Variants in TEAD1 observed in about 807,000 individuals in gnomAD.
TEAD1 encodes transcriptional enhancer factor TEF-1.
TEAD1 carries 9 observed loss-of-function variants against 54.9 expected under a neutral mutation model. The ratio of observed to expected loss-of-function variants is 0.16; its 90% CI spans 0.10 to 0.29. The LOEUF is 0.29. TEAD1 is among the 10% of genes least tolerant of loss of function. TEAD1 has a pLI of 1.00. For synonymous variants in TEAD1, 200 were observed against 187.8 expected (o/e 1.07, Z -0.53); for missense variants, 387 against 535.9 (o/e 0.72, Z 2.74).
intron 2 of TEAD1, among the ~76,000 whole-genome samples, chr11:12,761,595 C>T (rs1271890350): frequency 6.6e-6 from 1 of 152,150 alleles, no homozygotes; most frequent in African/African-American, 2.4e-5. Context: ...AAAGTAAGTC[C>T]ACCTCTGAGT....
chr11:12,758,232 T>C (rs2133917148), intron 2 of TEAD1, among the ~76,000 whole-genome samples: 1 of 150,038 alleles, frequency 6.7e-6, no homozygotes, highest in Admixed American at 6.6e-5. Flanking sequence ...GTTTTTGTTT[T>C]GTTTTTTTTT....
chr11:12,809,148 T>G (rs1451107113), intron 3 of TEAD1, among the ~76,000 whole-genome samples: 1 of 152,176 alleles, frequency 6.6e-6, no homozygotes, highest in Non-Finnish European at 1.5e-5. Context: ...ATGGCAAGTG[T>G]GAACATGTCT....
intron 2 of TEAD1, among the ~76,000 whole-genome samples, chr11:12,676,929 T>G (rs563959168): frequency 6.6e-6 from 1 of 152,348 alleles, no homozygotes; most frequent in South Asian, 2.1e-4. Context: ...GACTATTTTA[T>G]TTTTACTTTA....
intron 9 of TEAD1, among the ~76,000 whole-genome samples, chr11:12,900,221 C>T (rs1589972987): frequency 6.8e-6 from 1 of 147,274 alleles, no homozygotes; most frequent in East Asian, 2.0e-4. Flanking sequence ...ACCACCACAC[C>T]TGGTGATTTT....
At chr11:12,722,548 A>T (rs1944230101) in intron 2 of TEAD1, among the ~76,000 whole-genome samples, 1 of 152,218 alleles carries the variant, frequency 6.6e-6, no homozygotes. Flanking sequence ...GTTTTGGTCC[A>T]TGCTAAAAAA....
chr11:12,870,676 A>G (rs1031907901), intron 5 of TEAD1, among the ~76,000 whole-genome samples: 1 of 152,194 alleles, frequency 6.6e-6, no homozygotes, highest in Admixed American at 6.5e-5. Flanking sequence ...GCCTGAGCTC[A>G]GGAGTTAGAG....
chr11:12,678,697 C>G (rs1384813065), intron 2 of TEAD1, among the ~76,000 whole-genome samples: 1 of 152,148 alleles, frequency 6.6e-6, no homozygotes, highest in South Asian at 2.1e-4. Flanking sequence ...TTGTGGAGTG[C>G]TAGTATATTT....
At chr11:12,756,597 GAATT>G (rs1352488283) in intron 2 of TEAD1, among the ~76,000 whole-genome samples, 1 of 152,150 alleles carries the variant, frequency 6.6e-6, no homozygotes, top group Non-Finnish European at 1.5e-5. Flanking sequence ...TATTCATTAG[GAATT>G]AATTAGACTG....
rs532893771 is a variant in TEAD1 at position 12,778,529 on chromosome 11, C to A, written c.202+14095C>A. On this transcript the variant is annotated intron_variant, in intron 3 of 12. Transcript: ENST00000527636. ...TGTCCATTAAAGGCCTCATCAGACTCTTTTTTTTTTTTTTTTTTTTTAAAC... is the reference window on the plus strand; with the variant it reads ...TGTCCATTAAAGGCCTCATCAGACTATTTTTTTTTTTTTTTTTTTTTAAAC... Among the ~76,000 whole-genome samples the A allele has an allele frequency of 4.0e-5, 5 of 125,802 alleles. No homozygotes were observed. In the South Asian group the frequency reaches 1.0e-3, roughly 26 times the overall value. 82.5% of individuals were successfully genotyped at this position (125,802 alleles called of 152,430 possible).
chr11:12,759,690 G>C (rs1270692076), intron 2 of TEAD1, among the ~76,000 whole-genome samples: 1 of 152,108 alleles, frequency 6.6e-6, no homozygotes, highest in African/African-American at 2.4e-5. Flanking sequence ...GTGAAACCCT[G>C]TCTCTACTAA....
In TEAD1 at chr11:12,695,118, C is replaced by T. The variant is rs545175282; in HGVS notation, c.-55+19557C>T. ...ACAGCCAGGCTGGCGAGGGCCACTTCGTTCTTACTTGTCGTTTGTATTTTG... is the reference window on the plus strand; with the variant it reads ...ACAGCCAGGCTGGCGAGGGCCACTTTGTTCTTACTTGTCGTTTGTATTTTG... On this transcript the variant is annotated intron_variant, in intron 2 of 12. Coordinates refer to ENST00000527636, the MANE Select transcript of TEAD1 (RefSeq NM_021961.6). Among the ~76,000 whole-genome samples the T allele has an allele frequency of 3.9e-5, 6 of 152,356 alleles. No individual in the cohort carries two copies. The South Asian group carries it at 8.3e-4, about 21-fold the overall frequency.
At chr11:12,739,813 A>G (rs1467104586) in intron 2 of TEAD1, among the ~76,000 whole-genome samples, 1 of 152,246 alleles carries the variant, frequency 6.6e-6, no homozygotes, top group Non-Finnish European at 1.5e-5. Flanking sequence ...AAATACAAAG[A>G]ACACCTGTAT....
intron 5 of TEAD1, chr11:12,879,049 C>T: frequency 1.9e-6 from 1 of 528,504 alleles, no homozygotes; most frequent in Non-Finnish European, 3.0e-6. Flanking sequence ...CCCCTAGGCT[C>T]CTGGCTTCAG....
intron 3 of TEAD1, among the ~76,000 whole-genome samples, chr11:12,835,891 G>A (rs988840294): frequency 6.6e-6 from 1 of 152,092 alleles, no homozygotes. Context: ...CAGTTAGGAG[G>A]AATAAGTTCT....
At chr11:12,799,710 T>C (rs181487010) in intron 3 of TEAD1, among the ~76,000 whole-genome samples, 16 of 152,382 alleles carry the variant, frequency 1.0e-4, no homozygotes, top group Admixed American at 6.5e-4. Flanking sequence ...ACCTTGGAAT[T>C]TGAACCCAAG....
chr11:12,936,642 A>G (rs578030027), intron 12 of TEAD1, among the ~76,000 whole-genome samples: 10 of 152,364 alleles, frequency 6.6e-5, no homozygotes, highest in South Asian at 2.1e-4. Context: ...ATATACATCT[A>G]TCATCACATT....
intron 5 of TEAD1, among the ~76,000 whole-genome samples, chr11:12,875,038 A>G (rs1209407040): frequency 1.3e-5 from 2 of 152,334 alleles, no homozygotes; most frequent in South Asian, 2.1e-4. Context: ...TATTTCCTGT[A>G]ACCTAAGACT....
chr11:12,683,583 C>A (rs561270600), intron 2 of TEAD1, among the ~76,000 whole-genome samples: 3 of 152,152 alleles, frequency 2.0e-5, no homozygotes, highest in African/African-American at 7.2e-5. Flanking sequence ...TTTGAAGGAA[C>A]AGGGGGATTT....
intron 10 of TEAD1, among the ~76,000 whole-genome samples, chr11:12,908,883 G>GTTTTTGTTTTTTTTTTTTTTTTTTTTTT (rs769023879): frequency 2.0e-4 from 20 of 99,660 alleles, no homozygotes; most frequent in East Asian, 8.1e-4. Context: ...CAAATTATCT[G>GTTTTTGTTTTTTTTTTTTTTTTTTTTTT]TTTTTTTTTT....
Sources: allele counts gnomAD v4.1 joint callset (sites outside exome capture counted in the v4.1 genomes callset), GRCh38; gene constraint gnomAD v4.1.1; transcripts MANE v1.5; gene names NCBI Gene and HGNC (gene_info 2026-07-23, HGNC 2026-07-21).